MSC: variants seen among roughly 807,000 people sequenced by gnomAD.
The protein encoded by MSC is activated B-cell factor 1, homolog of mouse musculin.
A neutral mutation model predicts 14.4 loss-of-function variants in MSC; 16 were observed. The observed-to-expected ratio is 1.11, with a 90% confidence interval of 0.75 to 1.69. The LOEUF (loss-of-function observed/expected upper bound fraction) is 1.69. Among genes scored for constraint, MSC ranks in the 40% most tolerant of loss-of-function variants. The probability of loss-of-function intolerance (pLI) is 0.00; values close to 1 mark genes in which losing one functional copy is unlikely to be tolerated. For missense variants in MSC, 320 were observed against 288.1 expected (o/e 1.11, Z -0.80); for synonymous variants, 165 against 128.5 (o/e 1.28, Z -1.92).
chr8:71,842,608 C>A lies in MSC; in HGVS notation c.*53G>T. 1.3e-6 allele frequency: 2 copies of A among 1,545,030 alleles called. No individual in the cohort carries two copies. The highest frequency in any genetic ancestry group is 1.8e-6 in the Non-Finnish European group (2 of 1,117,444). On this transcript the variant is annotated 3_prime_UTR_variant, in exon 2 of 2. Coordinates refer to ENST00000325509, the MANE Select transcript of MSC (RefSeq NM_005098.4). ...ACGAGCTCTCCCTTCTCTCCGTGGC[C>A]CCCAAACACTCGCATTTAACGAATA...
rs921181514 is a variant in MSC, at chr8:71,843,496, G to T, written c.534+149C>A. The T allele has an allele frequency of 1.4e-5, 14 of 970,432 alleles. No homozygotes were observed. In the Admixed American group the frequency reaches 2.0e-4, roughly 14 times the overall value. 60.1% of individuals were successfully genotyped at this position (970,432 alleles called of 1,614,324 possible). Reference sequence around the variant, plus strand: ...AAATGGCTGGCCACTCCCTTGATTTGGGAGAAACTAAACTGGCCTTCTCGT... The same window carrying T: ...AAATGGCTGGCCACTCCCTTGATTTTGGAGAAACTAAACTGGCCTTCTCGT... On this transcript the variant is annotated intron_variant, in intron 1 of 1. Transcript: ENST00000325509.
Position 71,842,475 on chromosome 8 carries a change from A to G in MSC, c.*186T>C, listed in dbSNP as rs1585712693. The G allele has an allele frequency of 1.1e-5, 7 of 659,340 alleles. No homozygotes were observed. In the East Asian group the frequency reaches 1.9e-4, roughly 17 times the overall value. The allele number at this position is 659,340 out of a possible 1,614,324, so 40.8% of individuals were successfully genotyped here. Reference sequence around the variant, plus strand: ...GGTCGCCCAGATCCGGCGCAGCTGTAGCCGTGGGCGCTGTGCAGTGACAGC... The same window carrying G: ...GGTCGCCCAGATCCGGCGCAGCTGTGGCCGTGGGCGCTGTGCAGTGACAGC... On this transcript the variant is annotated 3_prime_UTR_variant, in exon 2 of 2. Transcript: ENST00000325509.
chr8:71,843,586 A>G, intron 1 of MSC, 59 bp downstream of exon 1: 1 of 1,612,330 alleles, frequency 6.2e-7, no homozygotes, highest in African/African-American at 1.3e-5. Flanking sequence ...CCCGGCGCCC[A>G]GGAGCGCCCT....
Position 71,844,003 on chromosome 8 carries a change from C to T in MSC, c.176G>A (p.Cys59Tyr), listed in dbSNP as rs1453169057. ...CGCGCTGCCGGCTGTGCCCAGAGCG[C>T]AGCGCTCCTCCTCGCCGTCGGGGTC... Reference protein sequence around the residue: ...EEDPDGEEERCALGTAGSAEG... With the variant: ...EEDPDGEEERYALGTAGSAEG... Residue 59 changes from cysteine to tyrosine, a missense_variant, in exon 1 of 2, where the codon TGC becomes TAC. By Grantham distance (194) the Cys-to-Tyr change is radical (BLOSUM62 -2). Coordinates refer to ENST00000325509, the MANE Select transcript of MSC (RefSeq NM_005098.4). The T allele has an allele frequency of 6.4e-7, 1 of 1,569,278 alleles. No homozygotes were observed. The highest frequency in any genetic ancestry group is 1.9e-5 in the Admixed American group (1 of 53,848).
rs909648313 is a variant in MSC, at chr8:71,841,596, A to T, written c.*1065T>A. 6.6e-6 allele frequency: 1 copy of T among 152,234 alleles called. No homozygotes were observed. Among genetic ancestry groups the T allele is most frequent in the African/African-American group, 2.4e-5 (1 of 41,456 alleles). The allele number at this position is 152,234 out of a possible 1,614,324, so 9.4% of individuals were successfully genotyped here. On this transcript the variant is annotated 3_prime_UTR_variant, in exon 2 of 2. Coordinates refer to ENST00000325509, the MANE Select transcript of MSC (RefSeq NM_005098.4). ...CAGCGCGTTTTATTATTCATAAAAAAATAAATTTATTTACATATGTTATTT... is the reference window on the plus strand; with the variant it reads ...CAGCGCGTTTTATTATTCATAAAAATATAAATTTATTTACATATGTTATTT...
In MSC at chr8:71,842,687, T is replaced by A; in HGVS notation, c.595A>T (p.Asn199Tyr). The change falls in exon 2 of 2, where the codon AAC becomes TAC. Residue 199 changes from asparagine (N) to tyrosine (Y), a missense_variant. Coordinates refer to ENST00000325509, the MANE Select transcript of MSC (RefSeq NM_005098.4). The stretch of plus-strand genomic sequence containing the variant: ...TAAGCGGTGGTTCCACATAGTCTGT[T>A]GGCTGCGGAAACTTCTTTGGTGTCA... The part of the protein sequence containing the change: ...DSDTKEVSAA[N>Y]RLCGTTA The A allele has an allele frequency of 6.2e-7, 1 of 1,614,068 alleles. No individual in the cohort carries two copies.
chr8:71,843,031 AACACAC>A (rs569519706), intron 1 of MSC: 11 of 268,476 alleles, frequency 4.1e-5, no homozygotes, highest in Non-Finnish European at 6.9e-5. Context: ...TCCCTTCCCC[AACACAC>A]ACACACACAC....
Position 71,843,941 on chromosome 8 carries a change from C to A in MSC, c.238G>T (p.Gly80Cys). 1 of 1,564,278 alleles carries A rather than the reference C, an allele frequency of 6.4e-7. No homozygotes were observed. The highest frequency in any genetic ancestry group is 1.2e-5 in the South Asian group (1 of 86,332). Residue 80 changes from glycine (G) to cysteine (C), a missense_variant, in exon 1 of 2, where the codon GGC becomes TGC. Gly to Cys is a radical substitution (Grantham distance 159). Coordinates refer to ENST00000325509, the MANE Select transcript of MSC (RefSeq NM_005098.4). ...CCCGCGCTACCACCTGCGCCGCCGC[C>A]CCCAGCCACACGGGGCCGCTTCCTC... is the stretch of plus-strand genomic sequence containing the variant. Reference protein sequence around the residue: ...CKRKRPRVAGGGGAGGSAGGG... With the variant: ...CKRKRPRVAGCGGAGGSAGGG...
rs1324580792 is a variant in MSC, at chr8:71,844,395, C to T, written c.-217G>A. On this transcript the variant is annotated 5_prime_UTR_variant, in exon 1 of 2. Transcript: ENST00000325509. ...GGGGAGCGTGGACTACGAGTTGGCG[C>T]CCAAGTCCAGAATCCGCGCGCACCG... is the stretch of plus-strand genomic sequence containing the variant. 1.4e-6 allele frequency: 1 copy of T among 732,710 alleles called. No homozygotes were observed. Among genetic ancestry groups the T allele is most frequent in the East Asian group, 2.7e-5 (1 of 37,010 alleles). The allele number at this position is 732,710 out of a possible 1,614,324, so 45.4% of individuals were successfully genotyped here.
At position 71,844,309 on chromosome 8, in the gene MSC, GAAGCGCGGGGTGAGA is replaced by G. The variant is rs532591464; in HGVS notation, c.-146_-132del. ...AAGGAAGACTAAAAACCCAGGCCGG[GAAGCGCGGGGTGAGA>G]AAGCGAGGTGGGTGGCGAGAGCGTG... On this transcript the variant is annotated 5_prime_UTR_variant, in exon 1 of 2. Transcript: ENST00000325509. 2.2e-4 allele frequency: 292 copies of G among 1,344,222 alleles called. 2 individuals carry two copies. The African/African-American group carries it at 3.7e-3, about 17-fold the overall frequency. The allele number at this position is 1,344,222 out of a possible 1,614,324, so 83.3% of individuals were successfully genotyped here.
chr8:71,843,241 T>TTCTA, intron 1 of MSC: 1 of 358,244 alleles, frequency 2.8e-6, no homozygotes, highest in Non-Finnish European at 5.3e-6. Flanking sequence ...AAATGCTCTT[T>TTCTA]TATAGAGCTC....
Position 71,843,809 on chromosome 8 carries a change from T to C in MSC, c.370A>G (p.Ser124Gly), listed in dbSNP as rs1336580651. Residue 124 changes from serine to glycine, a missense_variant, in exon 1 of 2, where the codon AGC becomes GGC. Ser to Gly is a moderately conservative substitution (Grantham distance 56). Transcript: ENST00000325509. ...GTCTTGAGCCTGGAGAAGGCTTTGC[T>C]CAGCACGCGCATCCGGGCACGCTCA... ...ARERARMRVL[S>G]KAFSRLKTSL... 1.9e-6 allele frequency: 3 copies of C among 1,613,690 alleles called. No individual in the cohort carries two copies. Among genetic ancestry groups the C allele is most frequent in the Non-Finnish European group, 2.5e-6 (3 of 1,179,924 alleles).
At position 71,843,566 on chromosome 8, in the gene MSC, G is replaced by C. The variant is rs770335441; in HGVS notation, c.534+79C>G. On this transcript the variant is annotated intron_variant, in intron 1 of 1. Transcript: ENST00000325509. ...ACCCCTTTCGAATTCTTCCCAACGG[G>C]CTGACCCTGCCCGGCGCCCAGGAGC... The C allele has an allele frequency of 7.5e-6, 12 of 1,594,240 alleles. No individual in the cohort carries two copies. In the Admixed American group the frequency reaches 8.4e-5, roughly 11 times the overall value.
Position 71,842,310 on chromosome 8 carries a change from T to A in MSC, c.*351A>T. The A allele has an allele frequency of 3.1e-6, 1 of 323,790 alleles. No individual in the cohort carries two copies. Among genetic ancestry groups the A allele is most frequent in the Non-Finnish European group, 6.1e-6 (1 of 165,246 alleles). 20.1% of individuals were successfully genotyped at this position (323,790 alleles called of 1,614,324 possible). On this transcript the variant is annotated 3_prime_UTR_variant, in exon 2 of 2. Coordinates refer to ENST00000325509, the MANE Select transcript of MSC (RefSeq NM_005098.4). ...CCCGCACGTGTGCGATGAATCTGGC[T>A]CCGCTGAGAACGGATCCGTGGGCTG... is the stretch of plus-strand genomic sequence containing the variant.
At chr8:71,843,186 T>G in intron 1 of MSC, 1 of 330,966 alleles carries the variant, frequency 3.0e-6, no homozygotes, top group South Asian at 2.8e-5. Context: ...AAATCCCATC[T>G]GGGGAAACGT....
At chr8:71,842,809 C>A (rs971480993) in intron 1 of MSC, 62 bp from the exon 2 acceptor site, 6 of 1,433,274 alleles carry the variant, frequency 4.2e-6, no homozygotes, top group Non-Finnish European at 5.9e-6. Context: ...CGAAACAGCT[C>A]TCCTACGCGA....
chr8:71,843,364 T>A, intron 1 of MSC: 2 of 532,020 alleles, frequency 3.8e-6, no homozygotes, highest in African/African-American at 3.8e-5. Context: ...CAGATGGAGA[T>A]GGAACCAAGA....
Position 71,843,973 on chromosome 8 carries a change from C to G in MSC, c.206G>C (p.Gly69Ala), listed in dbSNP as rs1484631239. Residue 69 changes from glycine to alanine, a missense_variant, in exon 1 of 2, where the codon GGC becomes GCC. Physicochemically the swap from Gly to Ala is moderately conservative, Grantham distance 60. Coordinates refer to ENST00000325509, the MANE Select transcript of MSC (RefSeq NM_005098.4). Reference protein sequence around the residue: ...CALGTAGSAEGCKRKRPRVAG... With the variant: ...CALGTAGSAEACKRKRPRVAG... Reference sequence around the variant, plus strand: ...CACACGGGGCCGCTTCCTCTTGCAGCCTTCCGCGCTGCCGGCTGTGCCCAG... The same window carrying G: ...CACACGGGGCCGCTTCCTCTTGCAGGCTTCCGCGCTGCCGGCTGTGCCCAG... 6.4e-7 allele frequency: 1 copy of G among 1,561,826 alleles called. No homozygotes were observed. The highest frequency in any genetic ancestry group is 1.4e-5 in the African/African-American group (1 of 73,536).
Position 71,844,049 on chromosome 8 carries a change from T to A in MSC, c.130A>T (p.Asn44Tyr). The A allele has an allele frequency of 6.5e-7, 1 of 1,549,900 alleles. No homozygotes were observed. The highest frequency in any genetic ancestry group is 1.2e-5 in the South Asian group (1 of 80,746). Residue 44 changes from asparagine (N) to tyrosine (Y), a missense_variant, in exon 1 of 2, where the codon AAC (asparagine) becomes TAC (tyrosine). Transcript: ENST00000325509. Reference sequence around the variant, plus strand: ...GGGTCCTCCTCCTCTGCCGACGAGTTGTCACTGGGCGAGGCGTAGCTGCGC... The same window carrying A: ...GGGTCCTCCTCCTCTGCCGACGAGTAGTCACTGGGCGAGGCGTAGCTGCGC... The part of the protein sequence containing the change: ...VERSYASPSD[N>Y]SSAEEEDPDG...
Sources: gnomAD v4.1 joint callset for allele counts on GRCh38, gnomAD v4.1.1 for gene constraint, MANE v1.5 for transcripts, NCBI Gene and HGNC (gene_info 2026-07-23, HGNC 2026-07-21) for gene names.